The following RNF32 variants were observed in gnomAD, a reference collection of about 807,000 sequenced individuals.
The protein encoded by RNF32 is ring finger protein 32.
In RNF32, 36 loss-of-function variants were observed where a neutral mutation model predicts 41.0. The observed-to-expected ratio is 0.88, with a 90% CI of 0.67 to 1.16. The LOEUF (loss-of-function observed/expected upper bound fraction) is 1.16, where lower values mean the gene tolerates loss of function less well. Ranked by LOEUF, RNF32 falls within the 50% of genes most tolerant of loss-of-function variation. RNF32 has a pLI of 0.00. For synonymous variants in RNF32, 154 were observed against 160.9 expected, an observed-to-expected ratio of 0.96 and a Z score of 0.32; for missense variants, 413 against 436.7, an observed-to-expected ratio of 0.95 and a Z score of 0.48.
chr7:156,659,533 T>C, intron 7 of RNF32: 1 of 984,292 alleles, frequency 1.0e-6, no homozygotes, highest in East Asian at 1.1e-4. Context: ...TTCTAATATG[T>C]CATAGTAGGT....
At chr7:156,647,677 T>C (rs2131368131) in intron 3 of RNF32, among the ~76,000 whole-genome samples, 1 of 152,320 alleles carries the variant, frequency 6.6e-6, no homozygotes, top group Non-Finnish European at 1.5e-5. Flanking sequence ...TAATGACTTC[T>C]TTTCCTTTGG....
chr7:156,641,393 T>C (rs1261942581), intron 1 of RNF32, among the ~76,000 whole-genome samples: 1 of 152,176 alleles, frequency 6.6e-6, no homozygotes, highest in Non-Finnish European at 1.5e-5. Context: ...ATACTGGGAT[T>C]TACAAAGCAA....
intron 3 of RNF32, among the ~76,000 whole-genome samples, chr7:156,650,532 T>A (rs1232896023): frequency 6.6e-6 from 1 of 152,230 alleles, no homozygotes; most frequent in Non-Finnish European, 1.5e-5. Context: ...AGCACAGCAG[T>A]TTGCTGAAAT....
At chr7:156,640,566 G>C, upstream of RNF32, 1 of 398,934 alleles carries the variant, frequency 2.5e-6, no homozygotes, top group South Asian at 1.8e-5. Flanking sequence ...CGTGCGCGGG[G>C]CGGGGGCCGG....
intron 7 of RNF32, among the ~76,000 whole-genome samples, chr7:156,668,695 G>A (rs1673308072): frequency 1.3e-5 from 2 of 152,186 alleles, no homozygotes; most frequent in Non-Finnish European, 2.9e-5. Flanking sequence ...TCGTCAGCGG[G>A]GCTTTTCTTG....
intron 1 of RNF32, among the ~76,000 whole-genome samples, chr7:156,643,273 C>G (rs921699294): frequency 6.6e-6 from 1 of 152,180 alleles, no homozygotes; most frequent in East Asian, 1.9e-4. Context: ...TGGTCTGTCC[C>G]CATATTCTGT....
chr7:156,656,195 CATA>C (rs1799644393), intron 4 of RNF32, among the ~76,000 whole-genome samples: 1 of 152,240 alleles, frequency 6.6e-6, no homozygotes, highest in African/African-American at 2.4e-5. Context: ...TCAAATGACT[CATA>C]GTAGGCCGAC....
At chr7:156,664,553 C>T (rs1764438900) in intron 7 of RNF32, among the ~76,000 whole-genome samples, 1 of 152,110 alleles carries the variant, frequency 6.6e-6, no homozygotes, top group African/African-American at 2.4e-5. Context: ...TCTTGATTTA[C>T]ATGTTTGGTA....
At chr7:156,640,326 A>G (rs1797110387), upstream of RNF32, 2 of 451,014 alleles carry the variant, frequency 4.4e-6, no homozygotes, top group Admixed American at 4.9e-5. Flanking sequence ...ACCGGGGCCC[A>G]GGCCCAGGTG....
chr7:156,640,211 GA>G (rs1563059652), upstream of RNF32: 1 of 453,546 alleles, frequency 2.2e-6, no homozygotes, highest in Non-Finnish European at 4.4e-6. Flanking sequence ...GGCGCGGGGG[GA>G]TCGGGGGATC....
chr7:156,650,941 C>T (rs1798629934), intron 3 of RNF32, among the ~76,000 whole-genome samples: 1 of 152,226 alleles, frequency 6.6e-6, no homozygotes, highest in Non-Finnish European at 1.5e-5. Flanking sequence ...TTACTCTTAA[C>T]CCTGCGGGTC....
Position 156,644,650 on chromosome 7 carries a change from C to A in RNF32, c.167C>A (p.Thr56Lys). The change falls in exon 3 of 9, where the codon ACA becomes AAA. Residue 56 changes from threonine (T) to lysine (K), a missense_variant. Transcript: ENST00000317955. ...KKENKSLKRDTKAIIDTGLKK... is the reference protein window; with the variant it reads ...KKENKSLKRDKKAIIDTGLKK... ...GAGAACAAATCTCTAAAAAGAGATA[C>A]AAAGGCAATAATAGATACTGGACTT... 1 of 1,612,542 alleles carries A rather than the reference C, an allele frequency of 6.2e-7. No individual in the cohort carries two copies. Among genetic ancestry groups the A allele is most frequent in the Non-Finnish European group, 8.5e-7 (1 of 1,178,696 alleles).
chr7:156,662,367 T>C lies in RNF32; in HGVS notation c.684+3797T>C, dbSNP rs139830813. Among the ~76,000 whole-genome samples, 3 of 152,356 alleles carry C rather than the reference T, an allele frequency of 2.0e-5. No individual in the cohort carries two copies. In the East Asian group the frequency reaches 5.8e-4, roughly 29 times the overall value. Reference sequence around the variant, plus strand: ...AATGGAATCCAAAAGGTTACTGAACTAGGTTATTGAATTTCACATTACCCA... The same window carrying C: ...AATGGAATCCAAAAGGTTACTGAACCAGGTTATTGAATTTCACATTACCCA... On this transcript the variant is annotated intron_variant, in intron 7 of 8. Coordinates refer to ENST00000317955, the MANE Select transcript of RNF32 (RefSeq NM_030936.4).
intron 7 of RNF32, chr7:156,659,877 A>G (rs1234698125): frequency 1.0e-6 from 1 of 984,324 alleles, no homozygotes; most frequent in Non-Finnish European, 1.2e-6. Flanking sequence ...GAAACGAAAA[A>G]TAACAAAAAG....
chr7:156,658,282 G>A (rs1800041167), intron 6 of RNF32, 30 bp downstream of exon 6: 1 of 1,610,100 alleles, frequency 6.2e-7, no homozygotes, highest in Non-Finnish European at 8.5e-7. Flanking sequence ...TTGGCGCTAA[G>A]CAGACACAGA....
intron 4 of RNF32, among the ~76,000 whole-genome samples, chr7:156,655,680 C>T (rs951590783): frequency 6.6e-6 from 1 of 152,224 alleles, no homozygotes; most frequent in Non-Finnish European, 1.5e-5. Flanking sequence ...TTACTTTAGA[C>T]ATACTTATTA....
At chr7:156,654,872 G>A (rs1489270295) in intron 4 of RNF32, 154 bp downstream of exon 4, 2 of 639,166 alleles carry the variant, frequency 3.1e-6, no homozygotes, top group African/African-American at 3.6e-5. Flanking sequence ...ATTAATTAAA[G>A]TGTGTGAAGA....
chr7:156,658,954 G>T, intron 7 of RNF32: 1 of 1,519,482 alleles, frequency 6.6e-7, no homozygotes, highest in Non-Finnish European at 8.8e-7. Context: ...AATGAAAATA[G>T]AAGCTGCCTA....
At chr7:156,641,323 T>G (rs1210323196) in intron 1 of RNF32, among the ~76,000 whole-genome samples, 1 of 152,214 alleles carries the variant, frequency 6.6e-6, no homozygotes, top group Non-Finnish European at 1.5e-5. Flanking sequence ...TAGCTGAGGT[T>G]ACTCGCTTTG....
Sources: gnomAD v4.1 joint callset for allele counts (sites outside exome capture counted in the v4.1 genomes callset) on GRCh38, gnomAD v4.1.1 for gene constraint, MANE v1.5 for transcripts, NCBI Gene and HGNC (gene_info 2026-07-23, HGNC 2026-07-21) for gene names.